PSMF1: variants seen among roughly 807,000 people sequenced by gnomAD.
PSMF1 encodes the protein proteasome inhibitor PI31 subunit.
In PSMF1, 30 loss-of-function variants were observed where a neutral mutation model predicts 29.3. That is an observed-to-expected ratio of 1.02 (90% CI 0.77 to 1.39). The LOEUF is 1.39. Among genes scored for constraint, PSMF1 ranks in the 40% most tolerant of loss-of-function variants. The probability of loss-of-function intolerance (pLI) is 0.00; values close to 1 mark genes in which losing one functional copy is unlikely to be tolerated. For missense variants in PSMF1, 344 were observed against 357.5 expected, an observed-to-expected ratio of 0.96 and a Z score of 0.31; for synonymous variants, 134 against 139.7, an observed-to-expected ratio of 0.96 and a Z score of 0.29.
rs546786623 is a variant in PSMF1 at position 1,164,935 on chromosome 20, T to C, written c.765-94T>C. On this transcript the variant is annotated intron_variant, in intron 6 of 6. Transcript: ENST00000335877. The surrounding 1 kb of genome is among the most constrained non-coding windows in gnomAD (Gnocchi z 4.1). The stretch of plus-strand genomic sequence containing the variant: ...AATTCCTCACACCGCCACATCATGT[T>C]GAAGGGCAGGCTCCCTCAGTGCAGG... The C allele has an allele frequency of 5.4e-6, 6 of 1,116,158 alleles. No homozygotes were observed. The African/African-American group carries it at 7.7e-5, about 14-fold the overall frequency. The allele number at this position is 1,116,158 out of a possible 1,614,324, so 69.1% of individuals were successfully genotyped here. A position where few individuals can be genotyped will look rare whatever the true frequency, so the allele number is the denominator to read the frequency against.
chr20:1,147,891 G>A (rs2086475117), intron 4 of PSMF1, among the ~76,000 whole-genome samples: 1 of 152,166 alleles, frequency 6.6e-6, no homozygotes, highest in African/African-American at 2.4e-5. Flanking sequence ...GAGGCAAAAA[G>A]CAGCACAGAA....
chr20:1,119,240 C>G (rs956048601), intron 1 of PSMF1, among the ~76,000 whole-genome samples: 1 of 152,130 alleles, frequency 6.6e-6, no homozygotes, highest in African/African-American at 2.4e-5. Flanking sequence ...CCCCAGAGCA[C>G]TTCTCACCCA....
intron 4 of PSMF1, among the ~76,000 whole-genome samples, chr20:1,147,425 T>C (rs2086467810): frequency 6.6e-6 from 1 of 152,332 alleles, no homozygotes; most frequent in Non-Finnish European, 1.5e-5. Flanking sequence ...CAGCAGCTTA[T>C]GCTTTTCCCA....
intron 4 of PSMF1, among the ~76,000 whole-genome samples, chr20:1,138,122 A>T (rs538310417): frequency 9.2e-5 from 14 of 152,344 alleles, no homozygotes; most frequent in African/African-American, 3.4e-4. Flanking sequence ...AAGAGGAGGG[A>T]ATACTTCCCA....
At chr20:1,147,708 G>T (rs1479601453) in intron 4 of PSMF1, among the ~76,000 whole-genome samples, 1 of 152,166 alleles carries the variant, frequency 6.6e-6, no homozygotes, top group African/African-American at 2.4e-5. Context: ...CCCACTCCCT[G>T]CTTATTCCTT....
intron 4 of PSMF1, among the ~76,000 whole-genome samples, chr20:1,147,795 C>T (rs1166625417): frequency 6.6e-6 from 1 of 152,210 alleles, no homozygotes; most frequent in Non-Finnish European, 1.5e-5. Flanking sequence ...ATCACCACCA[C>T]TTTGCTCAGC....
chr20:1,161,550 TCA>T, intron 4 of PSMF1: 1 of 601,354 alleles, frequency 1.7e-6, no homozygotes, highest in South Asian at 1.9e-5. Flanking sequence ...ACAAGGAAGA[TCA>T]AGATCATCGT....
In PSMF1 at chr20:1,171,950, G is replaced by A. The variant is rs546381023; in HGVS notation, c.*6870G>A. ...GCATGTGAAGAGAGGGATGGCCCAG[G>A]GGCCCTTGGCCATGGTGGCCTTGGA... On this transcript the variant is annotated 3_prime_UTR_variant, in exon 7 of 7. Transcript: ENST00000335877. Among the ~76,000 whole-genome samples, 1 of 152,342 alleles carries A rather than the reference G, an allele frequency of 6.6e-6. No individual in the cohort carries two copies. Among genetic ancestry groups the A allele is most frequent in the Admixed American group, 6.5e-5 (1 of 15,304 alleles).
In PSMF1 at chr20:1,118,625, C is replaced by G. The variant is rs995517306; in HGVS notation, c.-149C>G. Reference sequence around the variant, plus strand: ...CCGGCTTCCCCGCCCCGCCCCGTCCCCGGGCGTCTCCATTTTGGTCTCAGG... The same window carrying G: ...CCGGCTTCCCCGCCCCGCCCCGTCCGCGGGCGTCTCCATTTTGGTCTCAGG... On this transcript the variant is annotated 5_prime_UTR_variant, in exon 1 of 7. Coordinates refer to ENST00000335877, the MANE Select transcript of PSMF1 (RefSeq NM_006814.5). The G allele has an allele frequency of 1.8e-5, 17 of 968,426 alleles. 1 individual carries two copies. Among genetic ancestry groups the G allele is most frequent in the Admixed American group, 1.6e-4 (5 of 32,098 alleles). 60.0% of individuals were successfully genotyped at this position (968,426 alleles called of 1,614,324 possible). A position where few individuals can be genotyped will look rare whatever the true frequency, so the allele number is the denominator to read the frequency against.
chr20:1,115,737 C>CTTTT (rs11087011), upstream of PSMF1, among the ~76,000 whole-genome samples: 6 of 142,878 alleles, frequency 4.2e-5, 1 homozygote, highest in East Asian at 8.2e-4. Context: ...CCTTAATCCA[C>CTTTT]TTTTTTTTTT....
chr20:1,170,475 C>A lies in PSMF1; in HGVS notation c.*5395C>A, dbSNP rs1473994236. Among the ~76,000 whole-genome samples, 2 of 152,198 alleles carry A rather than the reference C, an allele frequency of 1.3e-5. No homozygotes were observed. Among genetic ancestry groups the A allele is most frequent in the African/African-American group, 4.8e-5 (2 of 41,440 alleles). ...GTGTTTCATGTTATCTTTAAAAATG[C>A]AGCACCTTTATAGCATACATTATAT... On this transcript the variant is annotated 3_prime_UTR_variant, in exon 7 of 7. Transcript: ENST00000335877.
rs186766935 is a variant in PSMF1 at position 1,122,226 on chromosome 20, G to T, written c.130-3272G>T. On this transcript the variant is annotated intron_variant, in intron 1 of 6. Coordinates refer to ENST00000335877, the MANE Select transcript of PSMF1 (RefSeq NM_006814.5). The stretch of plus-strand genomic sequence containing the variant: ...CCAAGCACAGCCCTACACCTGACTT[G>T]CTGAGACCTTGGGCAGCTCTCTGAC... 3.0e-3 allele frequency among the ~76,000 whole-genome samples: 453 copies of T among 152,020 alleles called. 3 individuals carry two copies. The highest frequency in any genetic ancestry group is 0.023 in the South Asian group (111 of 4,818).
intron 3 of PSMF1, among the ~76,000 whole-genome samples, chr20:1,134,632 G>A (rs1240878526): frequency 6.6e-6 from 1 of 152,168 alleles, no homozygotes; most frequent in Non-Finnish European, 1.5e-5. Flanking sequence ...GATGGGACAG[G>A]TGGTAGGGGC....
chr20:1,128,969 G>A (rs994403103), intron 3 of PSMF1, among the ~76,000 whole-genome samples: 14 of 152,046 alleles, frequency 9.2e-5, no homozygotes, highest in South Asian at 8.3e-4. Flanking sequence ...TCTACCTCCC[G>A]GGTTCACGCC....
intron 4 of PSMF1, among the ~76,000 whole-genome samples, chr20:1,143,599 C>T (rs1261795902): frequency 1.3e-5 from 2 of 152,142 alleles, no homozygotes; most frequent in Non-Finnish European, 2.9e-5. Flanking sequence ...GCACTAAATG[C>T]ACAGTGTTTA....
intron 3 of PSMF1, among the ~76,000 whole-genome samples, 187 bp downstream of exon 3, chr20:1,127,695 T>C (rs937109820): frequency 3.9e-5 from 6 of 152,190 alleles, no homozygotes; most frequent in African/African-American, 1.4e-4. Context: ...CCATAGGAAA[T>C]GCCACATGAA....
At chr20:1,132,766 T>C (rs2086246830) in intron 3 of PSMF1, among the ~76,000 whole-genome samples, 1 of 152,164 alleles carries the variant, frequency 6.6e-6, no homozygotes, top group Non-Finnish European at 1.5e-5. Context: ...ATCAGTATCA[T>C]TTGTAATTTT....
At chr20:1,132,059 A>T (rs1223255100) in intron 3 of PSMF1, among the ~76,000 whole-genome samples, 1 of 152,160 alleles carries the variant, frequency 6.6e-6, no homozygotes, top group Non-Finnish European at 1.5e-5. Context: ...GTCAAAAATC[A>T]GTTGTCTGTA....
chr20:1,165,687 C>T lies in PSMF1; in HGVS notation c.*607C>T, dbSNP rs1272583963. 3.0e-6 allele frequency: 3 copies of T among 999,404 alleles called. No homozygotes were observed. The East Asian group carries it at 3.1e-4, about 103-fold the overall frequency. The allele number at this position is 999,404 out of a possible 1,614,324, so 61.9% of individuals were successfully genotyped here. A position where few individuals can be genotyped will look rare whatever the true frequency, so the allele number is the denominator to read the frequency against. ...AATGGAAATGAGTGACTGGAAATCC[C>T]ATAGGCCACAAGAATGACTTTCACA... On this transcript the variant is annotated 3_prime_UTR_variant, in exon 7 of 7. Coordinates refer to ENST00000335877, the MANE Select transcript of PSMF1 (RefSeq NM_006814.5).
Sources: gnomAD v4.1 joint callset for allele counts (sites outside exome capture counted in the v4.1 genomes callset) on GRCh38, gnomAD v4.1.1 for gene constraint, Gnocchi (gnomAD v3.1) non-coding constraint, MANE v1.5 for transcripts, NCBI Gene and HGNC (gene_info 2026-07-23, HGNC 2026-07-21) for gene names.